The following XPR1 variants were observed in gnomAD, a reference collection of about 807,000 sequenced individuals.
XPR1 encodes the protein solute carrier family 53 member 1.
XPR1 carries 28 observed loss-of-function variants against 87.5 expected under a neutral mutation model. That is an observed-to-expected ratio of 0.32 (90% CI 0.24 to 0.44). The LOEUF (loss-of-function observed/expected upper bound fraction) is 0.44, where lower values mean the gene tolerates loss of function less well. XPR1 is among the 20% of genes least tolerant of loss of function. The probability of loss-of-function intolerance (pLI) is 1.00; values close to 1 mark genes in which losing one functional copy is unlikely to be tolerated. For missense variants in XPR1, 559 were observed against 862.3 expected, an observed-to-expected ratio of 0.65 and a Z score of 4.41; for synonymous variants, 300 against 306.1, an observed-to-expected ratio of 0.98 and a Z score of 0.21.
At chr1:180,865,591 G>A (rs556695946) in intron 12 of XPR1, among the ~76,000 whole-genome samples, 100 of 152,018 alleles carry the variant, frequency 6.6e-4, no homozygotes, top group African/African-American at 2.3e-3. Context: ...TAGTAGAGAC[G>A]GGGTTTCACC....
At chr1:180,710,916 C>T (rs1052826696) in intron 2 of XPR1, among the ~76,000 whole-genome samples, 11 of 150,828 alleles carry the variant, frequency 7.3e-5, no homozygotes, top group African/African-American at 1.2e-4. Context: ...CGGGCGGAGA[C>T]GCTCCTCACT....
intron 2 of XPR1, among the ~76,000 whole-genome samples, chr1:180,687,435 C>T (rs995437308): frequency 6.6e-6 from 1 of 152,130 alleles, no homozygotes; most frequent in Non-Finnish European, 1.5e-5. Context: ...GTACTACTTT[C>T]ACAAGAAAAA....
At chr1:180,701,860 A>C (rs2101970509) in intron 2 of XPR1, among the ~76,000 whole-genome samples, 1 of 133,370 alleles carries the variant, frequency 7.5e-6, no homozygotes, top group East Asian at 2.0e-4. Context: ...GCGGTCTATC[A>C]ATTTTGTTGA....
chr1:180,747,009 T>C (rs1356993987), intron 2 of XPR1, among the ~76,000 whole-genome samples: 9 of 152,184 alleles, frequency 5.9e-5, no homozygotes, highest in Non-Finnish European at 5.9e-5. Context: ...AAATTGAAAT[T>C]TAATAATCAT....
chr1:180,848,639 C>G (rs1243473488), intron 11 of XPR1, among the ~76,000 whole-genome samples: 1 of 152,076 alleles, frequency 6.6e-6, no homozygotes, highest in Non-Finnish European at 1.5e-5. Flanking sequence ...CTGCAGATGT[C>G]TCTTTGTTAT....
chr1:180,720,172 G>A (rs1032218948), intron 2 of XPR1, among the ~76,000 whole-genome samples: 2 of 152,014 alleles, frequency 1.3e-5, no homozygotes, highest in African/African-American at 4.8e-5. Flanking sequence ...AAAAAAGAAG[G>A]TGGTAATAAA....
At chr1:180,634,455 A>G (rs528978322) in intron 1 of XPR1, among the ~76,000 whole-genome samples, 1 of 152,330 alleles carries the variant, frequency 6.6e-6, no homozygotes, top group Non-Finnish European at 1.5e-5. Flanking sequence ...TTCCTTTAAA[A>G]GTAATAGAGA....
At chr1:180,859,715 A>G (rs1652157073) in intron 11 of XPR1, among the ~76,000 whole-genome samples, 1 of 152,182 alleles carries the variant, frequency 6.6e-6, no homozygotes, top group Non-Finnish European at 1.5e-5. Context: ...TTCTGTAAGA[A>G]TATTTATTTA....
At chr1:180,765,076 C>T (rs1287596768) in intron 2 of XPR1, among the ~76,000 whole-genome samples, 10 of 152,148 alleles carry the variant, frequency 6.6e-5, no homozygotes, top group East Asian at 3.8e-4. Context: ...TGAGCTACCG[C>T]GCTCGGCCCT....
chr1:180,712,836 AAAAAT>A (rs1657846479), intron 2 of XPR1, among the ~76,000 whole-genome samples: 1 of 152,042 alleles, frequency 6.6e-6, no homozygotes, highest in African/African-American at 2.4e-5. Flanking sequence ...ATAAAAATAA[AAAAAT>A]AAATCAGTTG....
At chr1:180,858,876 T>C (rs560123298) in intron 11 of XPR1, among the ~76,000 whole-genome samples, 38 of 152,344 alleles carry the variant, frequency 2.5e-4, no homozygotes, top group Admixed American at 1.1e-3. Context: ...GGAATATCTA[T>C]ATTTGTTCAT....
intron 2 of XPR1, among the ~76,000 whole-genome samples, chr1:180,755,009 G>A (rs61811160): frequency 0.053 from 8,101 of 152,230 alleles, 313 homozygotes; most frequent in Non-Finnish European, 0.078. Context: ...TATGTTCAAA[G>A]TAATGGGAAC....
intron 1 of XPR1, among the ~76,000 whole-genome samples, chr1:180,661,319 A>G (rs1004507101): frequency 6.6e-6 from 1 of 151,862 alleles, no homozygotes; most frequent in African/African-American, 2.4e-5. Flanking sequence ...AACCCATTCA[A>G]TCACTCTTAA....
chr1:180,704,877 C>A (rs1364469410), intron 2 of XPR1, among the ~76,000 whole-genome samples: 1 of 132,522 alleles, frequency 7.5e-6, no homozygotes, highest in Admixed American at 8.7e-5. Flanking sequence ...TTTTAGACAC[C>A]ACATACTGGA....
intron 11 of XPR1, among the ~76,000 whole-genome samples, chr1:180,852,524 A>G (rs1651898167): frequency 6.6e-6 from 1 of 152,144 alleles, no homozygotes; most frequent in Admixed American, 6.6e-5. Flanking sequence ...AGAGAGAAAG[A>G]GACCACAGTC....
chr1:180,685,190 C>A (rs1490402724), intron 2 of XPR1, among the ~76,000 whole-genome samples: 1 of 152,094 alleles, frequency 6.6e-6, no homozygotes, highest in African/African-American at 2.4e-5. Context: ...GAGTTTTTAG[C>A]ATGAAGCGTT....
intron 2 of XPR1, among the ~76,000 whole-genome samples, chr1:180,723,397 T>C (rs1307579921): frequency 1.3e-5 from 2 of 152,170 alleles, no homozygotes; most frequent in Non-Finnish European, 2.9e-5. Flanking sequence ...TACCAGGGCC[T>C]TTTTTGCCAT....
chr1:180,645,585 C>G (rs146947548), intron 1 of XPR1, among the ~76,000 whole-genome samples: 11 of 152,338 alleles, frequency 7.2e-5, no homozygotes, highest in African/African-American at 2.6e-4. Context: ...TCTGAAATCT[C>G]TGGAGCGGCT....
chr1:180,755,527 A>T (rs1017281249), intron 2 of XPR1, among the ~76,000 whole-genome samples: 2 of 152,108 alleles, frequency 1.3e-5, no homozygotes, highest in African/African-American at 4.8e-5. Context: ...CTCATTTACA[A>T]CTGGTGTAAA....
Sources: allele counts gnomAD v4.1 joint callset (sites outside exome capture counted in the v4.1 genomes callset), GRCh38; gene constraint gnomAD v4.1.1; transcripts MANE v1.5; gene names NCBI Gene and HGNC (gene_info 2026-07-23, HGNC 2026-07-21).